The following POLR2M variants were observed in gnomAD, a reference collection of about 807,000 sequenced individuals.
The protein encoded by POLR2M is protein GRINL1A.
In POLR2M, 30 loss-of-function variants were observed where a neutral mutation model predicts 34.6. The observed-to-expected ratio is 0.87, with a 90% CI of 0.65 to 1.18. The LOEUF (loss-of-function observed/expected upper bound fraction) is 1.18. POLR2M is among the 50% of genes most tolerant of loss of function. The pLI is 0.00. For missense variants in POLR2M, 432 were observed against 448.7 expected, an observed-to-expected ratio of 0.96 and a Z score of 0.34; for synonymous variants, 150 against 166.7, an observed-to-expected ratio of 0.90 and a Z score of 0.77.
At chr15:57,712,271 G>T in intron 3 of POLR2M, 83 bp downstream of exon 3, 3 of 1,503,334 alleles carry the variant, frequency 2.0e-6, no homozygotes, top group Non-Finnish European at 2.7e-6. Flanking sequence ...AAGGAGGAAG[G>T]AATGGAATAG....
rs550343719 is a variant in POLR2M, at chr15:57,712,974, A to G, written c.963+786A>G. On this transcript the variant is annotated intron_variant, in intron 3 of 3. Coordinates refer to ENST00000299638, the MANE Select transcript of POLR2M (RefSeq NM_015532.5). ...GTCAGGTACTAGTGCACCAACTAGT[A>G]TAACACCAGACTGTTCAGGAGTTCG... Among the ~76,000 whole-genome samples, 29 of 152,310 alleles carry G rather than the reference A, an allele frequency of 1.9e-4. No homozygotes were observed. In the South Asian group the frequency reaches 2.1e-3, roughly 11 times the overall value.
intron 2 of POLR2M, among the ~76,000 whole-genome samples, 157 bp from the exon 3 acceptor site, chr15:57,711,823 AACAC>A (rs2040730262): frequency 6.6e-6 from 1 of 152,208 alleles, no homozygotes; most frequent in African/African-American, 2.4e-5. Context: ...TATGCACACA[AACAC>A]ACCCCTATTT....
At chr15:57,708,215 C>G (rs923363080) in intron 1 of POLR2M, among the ~76,000 whole-genome samples, 1 of 152,150 alleles carries the variant, frequency 6.6e-6, no homozygotes, top group Non-Finnish European at 1.5e-5. Flanking sequence ...AAAACATAAG[C>G]ATACACAAGC....
rs2040867055 is a variant in POLR2M at position 57,714,542 on chromosome 15, C to A, written c.970C>A (p.Gln324Lys). 2.5e-6 allele frequency: 4 copies of A among 1,613,298 alleles called. No homozygotes were observed. Among genetic ancestry groups the A allele is most frequent in the Non-Finnish European group, 3.4e-6 (4 of 1,179,690 alleles). ...KQQKQNYEEM[Q>K]AKLAAQKLAE... ...TTTGCTCTTTGTTTTAAAGGAGATG[C>A]AAGCAAAGCTCGCAGCGCAAAAATT... Residue 324 changes from glutamine to lysine, a missense_variant, in exon 4 of 4, where the codon CAA becomes AAA. Gln to Lys is a moderately conservative substitution (Grantham distance 53). Coordinates refer to ENST00000299638, the MANE Select transcript of POLR2M (RefSeq NM_015532.5).
chr15:57,708,228 A>G (rs1223709572), intron 1 of POLR2M, among the ~76,000 whole-genome samples: 1 of 152,248 alleles, frequency 6.6e-6, no homozygotes, highest in East Asian at 1.9e-4. Flanking sequence ...ACACAAGCAC[A>G]CATTCTATTC....
chr15:57,716,809 T>A lies in POLR2M; in HGVS notation c.*2130T>A, dbSNP rs2040965575. ...TGTCATTTAACATAGTTTGTGGTAT[T>A]TCAGTATAGAAGTTGTTTTCTTTAG... On this transcript the variant is annotated 3_prime_UTR_variant, in exon 4 of 4. Coordinates refer to ENST00000299638, the MANE Select transcript of POLR2M (RefSeq NM_015532.5). The A allele has an allele frequency of 1.3e-5, 2 of 152,238 alleles. No individual in the cohort carries two copies. Among genetic ancestry groups the A allele is most frequent in the South Asian group, 4.1e-4 (2 of 4,838 alleles). The allele number at this position is 152,238 out of a possible 1,614,324, so 9.4% of individuals were successfully genotyped here. A position where few individuals can be genotyped will look rare whatever the true frequency, so the allele number is the denominator to read the frequency against.
In POLR2M at chr15:57,713,820, C is replaced by CTTT. The variant is rs869161314; in HGVS notation, c.964-679_964-677dup. On this transcript the variant is annotated intron_variant, in intron 3 of 3. Coordinates refer to ENST00000299638, the MANE Select transcript of POLR2M (RefSeq NM_015532.5). The stretch of plus-strand genomic sequence containing the variant: ...AGAAATCTAGACAGCATTAGTCCTT[C>CTTT]TTTTTTTTTTTTTTTTTTTTTTTTT... Among the ~76,000 whole-genome samples the CTTT allele has an allele frequency of 2.9e-4, 19 of 65,636 alleles. 2 individuals are homozygous for CTTT. Among genetic ancestry groups the CTTT allele is most frequent in the East Asian group, 1.9e-3 (3 of 1,548 alleles). The allele number at this position is 65,636 out of a possible 152,430, so 43.1% of individuals were successfully genotyped here. A position where few individuals can be genotyped will look rare whatever the true frequency, so the allele number is the denominator to read the frequency against.
At position 57,714,770 on chromosome 15, in the gene POLR2M, G is replaced by A; in HGVS notation, c.*91G>A. 1 of 1,528,834 alleles carries A rather than the reference G, an allele frequency of 6.5e-7. No homozygotes were observed. Among genetic ancestry groups the A allele is most frequent in the Non-Finnish European group, 8.8e-7 (1 of 1,140,066 alleles). 94.7% of individuals were successfully genotyped at this position (1,528,834 alleles called of 1,614,324 possible). ...CAAGATCAGTGTCAGATATTGTTGA[G>A]GGAAGTAATTTTATAAAGTTACACA... is the stretch of plus-strand genomic sequence containing the variant. On this transcript the variant is annotated 3_prime_UTR_variant, in exon 4 of 4. Transcript: ENST00000299638.
chr15:57,707,096 T>G (rs1261724514), intron 1 of POLR2M, 141 bp downstream of exon 1: 6 of 1,548,006 alleles, frequency 3.9e-6, no homozygotes, highest in South Asian at 1.2e-5. Context: ...TACGGGCGAG[T>G]GGACGGAGGG....
Position 57,714,734 on chromosome 15 carries a change from C to A in POLR2M, c.*55C>A. 1.3e-6 allele frequency: 2 copies of A among 1,581,218 alleles called. No homozygotes were observed. Among genetic ancestry groups the A allele is most frequent in the Non-Finnish European group, 1.7e-6 (2 of 1,162,472 alleles). On this transcript the variant is annotated 3_prime_UTR_variant, in exon 4 of 4. Transcript: ENST00000299638. ...ATGTCATCATCTTACATCAGACTTT[C>A]TAACTAGTATCAAGATCAGTGTCAG...
At position 57,709,117 on chromosome 15, in the gene POLR2M, C is replaced by T; in HGVS notation, c.517C>T (p.Pro173Ser). 1 of 1,614,140 alleles carries T rather than the reference C, an allele frequency of 6.2e-7. No homozygotes were observed. The highest frequency in any genetic ancestry group is 1.3e-5 in the African/African-American group (1 of 75,030). The change falls in exon 2 of 4, where the codon CCG becomes TCG. Residue 173 changes from proline (P) to serine (S), a missense_variant. Pro to Ser is a moderately conservative substitution (Grantham distance 74, BLOSUM62 -1). Coordinates refer to ENST00000299638, the MANE Select transcript of POLR2M (RefSeq NM_015532.5). The part of the protein sequence containing the change: ...PPSSEASEHH[P>S]RHRVSSQAED... ...TTCATCTGAAGCTAGTGAGCATCAC[C>T]CGCGGCATCGTGTTTCAAGTCAAGC... is the stretch of plus-strand genomic sequence containing the variant.
rs767428595 is a variant in POLR2M at position 57,707,565 on chromosome 15, T to C, written c.113+610T>C. On this transcript the variant is annotated intron_variant, in intron 1 of 3. Transcript: ENST00000299638. ...TTCAGAGAGACTTCCCACGAGACAC[T>C]TGTAAGAAAGTGAGCTAGGAAGGGA... The C allele has an allele frequency of 5.0e-5, 23 of 460,262 alleles. 1 individual carries two copies. The highest frequency in any genetic ancestry group is 1.9e-4 in the Admixed American group (8 of 42,656). 28.5% of individuals were successfully genotyped at this position (460,262 alleles called of 1,614,324 possible). A position where few individuals can be genotyped will look rare whatever the true frequency, so the allele number is the denominator to read the frequency against.
At chr15:57,708,050 C>T (rs1194914755) in intron 1 of POLR2M, among the ~76,000 whole-genome samples, 4 of 152,140 alleles carry the variant, frequency 2.6e-5, no homozygotes, top group African/African-American at 9.7e-5. Context: ...GTGTTTTGAC[C>T]TTGTGAGAAT....
In POLR2M at chr15:57,709,334, A is replaced by G. The variant is rs1476160744; in HGVS notation, c.734A>G (p.Gln245Arg). ...ATGCGAGCCAAAAACCCAGTGCCCC[A>G]GCTGCGTAAATTTAAAACCAATGTG... is the stretch of plus-strand genomic sequence containing the variant. ...LEMRAKNPVPQLRKFKTNVLP... is the reference protein window; with the variant it reads ...LEMRAKNPVPRLRKFKTNVLP... Residue 245 changes from glutamine (Q) to arginine (R), a missense_variant, in exon 2 of 4, where the codon CAG becomes CGG. Transcript: ENST00000299638. 1.2e-6 allele frequency: 2 copies of G among 1,613,392 alleles called. No homozygotes were observed. Among genetic ancestry groups the G allele is most frequent in the East Asian group, 2.2e-5 (1 of 44,878 alleles).
At position 57,713,746 on chromosome 15, in the gene POLR2M, A is replaced by C. The variant is rs187869982; in HGVS notation, c.964-790A>C. ...ATTTTGCCATTGAAATGTAATTCCC[A>C]AGTCTGGAAGTCATGATTGTAATTA... On this transcript the variant is annotated intron_variant, in intron 3 of 3. Coordinates refer to ENST00000299638, the MANE Select transcript of POLR2M (RefSeq NM_015532.5). Among the ~76,000 whole-genome samples the C allele has an allele frequency of 1.4e-3, 211 of 150,990 alleles. 1 individual carries two copies. The highest frequency in any genetic ancestry group is 4.8e-3 in the African/African-American group (198 of 40,992).
intron 2 of POLR2M, among the ~76,000 whole-genome samples, chr15:57,710,111 A>C (rs759462739): frequency 6.6e-6 from 1 of 152,218 alleles, no homozygotes; most frequent in Non-Finnish European, 1.5e-5. Flanking sequence ...ATGAGGACCC[A>C]AGGTTTACAC....
chr15:57,708,166 G>GA (rs1355033324), intron 1 of POLR2M, among the ~76,000 whole-genome samples: 2 of 152,136 alleles, frequency 1.3e-5, no homozygotes, highest in African/African-American at 4.8e-5. Flanking sequence ...TGTATCTAGC[G>GA]AAATGTATTT....
Position 57,706,872 on chromosome 15 carries a change from C to G in POLR2M, c.30C>G (p.Pro10=). 1 of 1,588,132 alleles carries G rather than the reference C, an allele frequency of 6.3e-7. No individual in the cohort carries two copies. Residue 10 remains proline (P), a synonymous_variant, in exon 1 of 4, where the codon CCC becomes CCG. Transcript: ENST00000299638. ...GCTCGCTGCCCCGCGGCTTCGAGCC[C>G]CAAGCTCCCGAGGACTTGGCGCAGC... The part of the protein sequence containing the change: MCSLPRGFE[P]QAPEDLAQRS...
At chr15:57,707,200 A>C in intron 1 of POLR2M, 1 of 1,459,128 alleles carries the variant, frequency 6.9e-7, no homozygotes, top group Non-Finnish European at 9.1e-7. Flanking sequence ...GCAGGGAGTT[A>C]GTAGCCCCTG....
Sources: allele counts gnomAD v4.1 joint callset (sites outside exome capture counted in the v4.1 genomes callset), GRCh38; gene constraint gnomAD v4.1.1; transcripts MANE v1.5; gene names NCBI Gene and HGNC (gene_info 2026-07-23, HGNC 2026-07-21).